The following MAP1LC3B2 variants were observed in gnomAD, a reference collection of about 807,000 sequenced individuals.
The protein encoded by MAP1LC3B2 is microtubule-associated protein 1 light chain 3 beta 2.
For synonymous variants in MAP1LC3B2, 62 were observed against 57.8 expected (o/e 1.07, Z -0.33); for missense variants, 155 against 154.6 (o/e 1.00, Z -0.01).
At position 116,575,910 on chromosome 12, in the gene MAP1LC3B2, C is replaced by G; in HGVS notation, c.-33C>G. On this transcript the variant is annotated 5_prime_UTR_variant, in exon 2 of 2. Coordinates refer to ENST00000556529, the MANE Select transcript of MAP1LC3B2 (RefSeq NM_001085481.3). The stretch of plus-strand genomic sequence containing the variant: ...CCCCCAGGAGCCGCCGGGACCCTCG[C>G]GTCGTCGCCGCCGCGGCCCAGATCC... 6.2e-7 allele frequency: 1 copy of G among 1,612,988 alleles called. No individual in the cohort carries two copies. The highest frequency in any genetic ancestry group is 8.5e-7 in the Non-Finnish European group (1 of 1,179,594).
intron 1 of MAP1LC3B2, among the ~76,000 whole-genome samples, chr12:116,560,419 G>T (rs1029269516): frequency 6.6e-6 from 1 of 151,640 alleles, no homozygotes; most frequent in Non-Finnish European, 1.5e-5. Flanking sequence ...GCTAATTTTT[G>T]TATTTTTAGT....
At chr12:116,566,173 T>G (rs775445369) in intron 1 of MAP1LC3B2, among the ~76,000 whole-genome samples, 1 of 152,206 alleles carries the variant, frequency 6.6e-6, no homozygotes, top group Non-Finnish European at 1.5e-5. Context: ...GAATAAAACT[T>G]GCTTGGGGGT....
chr12:116,559,872 T>G (rs189885246), intron 1 of MAP1LC3B2: 17 of 152,166 alleles, frequency 1.1e-4, no homozygotes, highest in African/African-American at 4.1e-4. Context: ...CTTCTTTATT[T>G]CTAGCCTTGC....
At chr12:116,571,407 A>G (rs1869526764) in intron 1 of MAP1LC3B2, among the ~76,000 whole-genome samples, 1 of 149,598 alleles carries the variant, frequency 6.7e-6, no homozygotes, top group Non-Finnish European at 1.5e-5. Flanking sequence ...TCCTACCATG[A>G]AATGAATTTT....
At chr12:116,573,548 C>CTT (rs1303399662) in intron 1 of MAP1LC3B2, among the ~76,000 whole-genome samples, 1 of 151,962 alleles carries the variant, frequency 6.6e-6, no homozygotes. Flanking sequence ...GAGACAGAGT[C>CTT]GCTCTGTCGC....
chr12:116,566,930 C>CA (rs56405000), intron 1 of MAP1LC3B2, among the ~76,000 whole-genome samples: 611 of 26,738 alleles, frequency 0.023, 170 homozygotes, highest in Middle Eastern at 0.05. Flanking sequence ...GACTCTGTCT[C>CA]AAAAAAAAAA....
chr12:116,569,172 C>G (rs10850667), intron 1 of MAP1LC3B2, among the ~76,000 whole-genome samples: 25,743 of 151,970 alleles, frequency 0.17, 2,386 homozygotes, highest in African/African-American at 0.24. Flanking sequence ...AATTTCTTTT[C>G]TTTATAAATT....
chr12:116,569,498 T>C (rs1270114055), intron 1 of MAP1LC3B2, among the ~76,000 whole-genome samples: 1 of 152,236 alleles, frequency 6.6e-6, no homozygotes, highest in African/African-American at 2.4e-5. Context: ...TTGGCAAAAC[T>C]GTAAATCCTT....
chr12:116,564,735 C>T (rs1267065998), intron 1 of MAP1LC3B2, among the ~76,000 whole-genome samples: 1 of 152,200 alleles, frequency 6.6e-6, no homozygotes, highest in Non-Finnish European at 1.5e-5. Context: ...ATAACACCAT[C>T]TTGCCTGGGA....
At chr12:116,565,904 C>T (rs1392497734) in intron 1 of MAP1LC3B2, among the ~76,000 whole-genome samples, 2 of 152,184 alleles carry the variant, frequency 1.3e-5, no homozygotes, top group African/African-American at 4.8e-5. Flanking sequence ...AGCACAAAAT[C>T]TTTAAGTAGG....
chr12:116,566,091 G>C (rs990948403), intron 1 of MAP1LC3B2, among the ~76,000 whole-genome samples: 2 of 152,154 alleles, frequency 1.3e-5, no homozygotes, highest in South Asian at 4.1e-4. Flanking sequence ...CATCAGGCCA[G>C]AAATGCCAGT....
intron 1 of MAP1LC3B2, among the ~76,000 whole-genome samples, chr12:116,560,529 G>A (rs906846593): frequency 7.9e-5 from 12 of 151,992 alleles, no homozygotes; most frequent in African/African-American, 2.7e-4. Flanking sequence ...TTACAGGTGT[G>A]AACCATCACA....
At chr12:116,560,589 C>T (rs1869246845) in intron 1 of MAP1LC3B2, among the ~76,000 whole-genome samples, 2 of 152,110 alleles carry the variant, frequency 1.3e-5, no homozygotes, top group East Asian at 1.9e-4. Flanking sequence ...TCCCCAGTCA[C>T]ACCTCCACCA....
At position 116,569,578 on chromosome 12, in the gene MAP1LC3B2, A is replaced by G. The variant is rs143073893; in HGVS notation, c.-101-6264A>G. Among the ~76,000 whole-genome samples, 19 of 152,292 alleles carry G rather than the reference A, an allele frequency of 1.2e-4. No homozygotes were observed. The East Asian group carries it at 2.9e-3, about 23-fold the overall frequency. ...CCTAGCAGCTACCTTGTATGTAACT[A>G]TGTATTTAATATATGCTAGTTGGAA... On this transcript the variant is annotated intron_variant, in intron 1 of 1. Coordinates refer to ENST00000556529, the MANE Select transcript of MAP1LC3B2 (RefSeq NM_001085481.3).
Position 116,575,920 on chromosome 12 carries a change from G to A in MAP1LC3B2, c.-23G>A, listed in dbSNP as rs201470175. The A allele has an allele frequency of 9.3e-4, 1,505 of 1,613,420 alleles. 2 individuals are homozygous for A. Among genetic ancestry groups the A allele is most frequent in the African/African-American group, 2.7e-3 (206 of 75,020 alleles). ...CCGCCGGGACCCTCGCGTCGTCGCC[G>A]CCGCGGCCCAGATCCCCACACCATG... On this transcript the variant is annotated 5_prime_UTR_variant, in exon 2 of 2. Coordinates refer to ENST00000556529, the MANE Select transcript of MAP1LC3B2 (RefSeq NM_001085481.3).
chr12:116,567,787 C>T (rs185211712), intron 1 of MAP1LC3B2, among the ~76,000 whole-genome samples: 3 of 151,940 alleles, frequency 2.0e-5, no homozygotes, highest in Admixed American at 2.0e-4. Context: ...TATGTAAACC[C>T]TCTAAGGGTT....
At chr12:116,572,448 T>G (rs1232617019) in intron 1 of MAP1LC3B2, among the ~76,000 whole-genome samples, 1 of 149,572 alleles carries the variant, frequency 6.7e-6, no homozygotes, top group South Asian at 2.1e-4. Flanking sequence ...CACTGCAAGC[T>G]CCGCCTCCCA....
intron 1 of MAP1LC3B2, among the ~76,000 whole-genome samples, chr12:116,570,097 C>T (rs962822524): frequency 6.6e-6 from 1 of 152,076 alleles, no homozygotes; most frequent in Non-Finnish European, 1.5e-5. Context: ...AAAATGCATA[C>T]CCACAAAGTT....
intron 1 of MAP1LC3B2, among the ~76,000 whole-genome samples, 193 bp downstream of exon 1, chr12:116,559,626 G>A (rs1446069246): frequency 6.6e-6 from 1 of 152,230 alleles, no homozygotes; most frequent in Non-Finnish European, 1.5e-5. Flanking sequence ...CACAGTCCAT[G>A]TGATCGGCGG....
Sources: allele counts gnomAD v4.1 joint callset (sites outside exome capture counted in the v4.1 genomes callset), GRCh38; gene constraint gnomAD v4.1.1; transcripts MANE v1.5; gene names NCBI Gene and HGNC (gene_info 2026-07-23, HGNC 2026-07-21).